The following PKNOX2 variants were observed in gnomAD, a reference collection of about 807,000 sequenced individuals.
The protein encoded by PKNOX2 is homeobox protein PKNOX2.
Under a neutral mutation model 53.1 loss-of-function variants are expected in PKNOX2, and 14 were observed. The observed-to-expected ratio is 0.26, with a 90% CI of 0.17 to 0.41. The LOEUF (loss-of-function observed/expected upper bound fraction) is 0.41, where lower values mean the gene tolerates loss of function less well. PKNOX2 is among the 10% of genes least tolerant of loss of function. PKNOX2 has a pLI of 1.00. For synonymous variants in PKNOX2, 257 were observed against 242.8 expected (o/e 1.06, Z -0.54); for missense variants, 496 against 602.8 (o/e 0.82, Z 1.85).
rs554945561 is a variant in PKNOX2 at position 125,197,881 on chromosome 11, T to G, written c.-201+33105T>G. On this transcript the variant is annotated intron_variant, in intron 1 of 12. Coordinates refer to ENST00000298282, the MANE Select transcript of PKNOX2 (RefSeq NM_001382323.2). ...TTCACACAGACGTGCTGCCGTCACC[T>G]CTTTGGGCCACAACTGCAGCCAGGG... 3.9e-5 allele frequency among the ~76,000 whole-genome samples: 6 copies of G among 152,244 alleles called. No individual in the cohort carries two copies. The East Asian group carries it at 1.2e-3, about 29-fold the overall frequency.
intron 4 of PKNOX2, among the ~76,000 whole-genome samples, chr11:125,353,839 T>C (rs1187252825): frequency 6.6e-6 from 1 of 152,030 alleles, no homozygotes; most frequent in Non-Finnish European, 1.5e-5. Context: ...ATGCCCAAAT[T>C]GCCATTGGCC....
intron 1 of PKNOX2, among the ~76,000 whole-genome samples, chr11:125,186,342 CT>C (rs1956447604): frequency 6.6e-6 from 1 of 152,182 alleles, no homozygotes; most frequent in Non-Finnish European, 1.5e-5. Flanking sequence ...CTGGAGGTTT[CT>C]TTTTTACTTC....
At chr11:125,258,224 C>T (rs1305433020) in intron 2 of PKNOX2, among the ~76,000 whole-genome samples, 1 of 152,144 alleles carries the variant, frequency 6.6e-6, no homozygotes, top group African/African-American at 2.4e-5. Context: ...TCCCCTCAAG[C>T]ACCATGCACA....
At chr11:125,347,359 A>G (rs952329127) in intron 3 of PKNOX2, among the ~76,000 whole-genome samples, 2 of 152,208 alleles carry the variant, frequency 1.3e-5, no homozygotes, top group Admixed American at 6.5e-5. Flanking sequence ...CACTGGCCCA[A>G]TTACTGCCTG....
intron 11 of PKNOX2, 65 bp downstream of exon 11, chr11:125,429,153 C>G (rs1245273477): frequency 1.4e-6 from 2 of 1,455,346 alleles, no homozygotes; most frequent in Non-Finnish European, 1.9e-6. Flanking sequence ...CAGGGGAATG[C>G]GTAGCAGGGA....
intron 4 of PKNOX2, among the ~76,000 whole-genome samples, chr11:125,360,834 A>C (rs1951884403): frequency 6.6e-6 from 1 of 152,162 alleles, no homozygotes; most frequent in Non-Finnish European, 1.5e-5. Context: ...AATTCTGAAC[A>C]CCCTGTACCT....
chr11:125,390,312 A>G lies in PKNOX2; in HGVS notation c.399+4590A>G, dbSNP rs111775935. The stretch of plus-strand genomic sequence containing the variant: ...GCAGTCACCATCATGCAGCTGGTCC[A>G]TGGCCCAGGCAGGAATCAAATACAG... On this transcript the variant is annotated intron_variant, in intron 6 of 12. Transcript: ENST00000298282. Among the ~76,000 whole-genome samples, 852 of 152,344 alleles carry G rather than the reference A, an allele frequency of 5.6e-3. 7 individuals carry two copies. Among genetic ancestry groups the G allele is most frequent in the African/African-American group, 0.019 (796 of 41,576 alleles).
intron 10 of PKNOX2, among the ~76,000 whole-genome samples, chr11:125,428,729 G>A (rs1234147298): frequency 6.6e-6 from 1 of 152,228 alleles, no homozygotes; most frequent in Non-Finnish European, 1.5e-5. Flanking sequence ...GAAGCTGTCA[G>A]TACTGAACCA....
In PKNOX2 at chr11:125,194,164, G is replaced by A. The variant is rs560353746; in HGVS notation, c.-201+29388G>A. On this transcript the variant is annotated intron_variant, in intron 1 of 12. Coordinates refer to ENST00000298282, the MANE Select transcript of PKNOX2 (RefSeq NM_001382323.2). ...GTCTCTGCTGAGCCCTGTGTGGAGAGCGGTTGCGTAGCACAGGGCAGGAGA... is the reference window on the plus strand; with the variant it reads ...GTCTCTGCTGAGCCCTGTGTGGAGAACGGTTGCGTAGCACAGGGCAGGAGA... 2.0e-3 allele frequency among the ~76,000 whole-genome samples: 300 copies of A among 152,312 alleles called. 2 individuals carry two copies. Among genetic ancestry groups the A allele is most frequent in the African/African-American group, 7.0e-3 (290 of 41,572 alleles).
At chr11:125,359,340 G>A (rs1460329716) in intron 4 of PKNOX2, among the ~76,000 whole-genome samples, 1 of 152,022 alleles carries the variant, frequency 6.6e-6, no homozygotes, top group Non-Finnish European at 1.5e-5. Context: ...GGGACCATAT[G>A]GGGACCCACC....
intron 3 of PKNOX2, among the ~76,000 whole-genome samples, chr11:125,334,698 A>G (rs898191143): frequency 2.0e-5 from 3 of 151,640 alleles, no homozygotes; most frequent in African/African-American, 7.3e-5. Context: ...TTCCAGGCCC[A>G]AGTGATCCTC....
At chr11:125,391,420 G>A (rs1328942514) in intron 6 of PKNOX2, among the ~76,000 whole-genome samples, 2 of 152,192 alleles carry the variant, frequency 1.3e-5, no homozygotes, top group African/African-American at 4.8e-5. Flanking sequence ...GATGGTGGAG[G>A]GAGGACCATA....
chr11:125,372,460 C>T (rs533087108), intron 5 of PKNOX2, among the ~76,000 whole-genome samples: 4 of 152,358 alleles, frequency 2.6e-5, no homozygotes, highest in South Asian at 2.1e-4. Flanking sequence ...TCTTGGTCCT[C>T]ACTGTCCTAT....
At chr11:125,404,800 G>A (rs2135502074) in intron 7 of PKNOX2, among the ~76,000 whole-genome samples, 1 of 152,296 alleles carries the variant, frequency 6.6e-6, no homozygotes, top group South Asian at 2.1e-4. Context: ...CCAAGCTAGG[G>A]AAAGACGACG....
chr11:125,206,121 T>A (rs980340635), intron 1 of PKNOX2, among the ~76,000 whole-genome samples: 2 of 151,974 alleles, frequency 1.3e-5, no homozygotes, highest in African/African-American at 4.8e-5. Context: ...CACTGTGTCA[T>A]ACTCTGCAGG....
chr11:125,411,466 C>CTT (rs1785497859), intron 9 of PKNOX2: 1 of 163,498 alleles, frequency 6.1e-6, no homozygotes, highest in African/African-American at 4.4e-5. Context: ...CTGTCTTTCT[C>CTT]TCTCTCTCTC....
chr11:125,394,821 T>C (rs1954284392), intron 6 of PKNOX2, among the ~76,000 whole-genome samples: 1 of 152,236 alleles, frequency 6.6e-6, no homozygotes, highest in South Asian at 2.1e-4. Flanking sequence ...TTAATTTTGA[T>C]ATAAATGTAG....
chr11:125,305,283 C>A (rs12272135), intron 2 of PKNOX2, among the ~76,000 whole-genome samples: 29,833 of 152,142 alleles, frequency 0.2, 3,504 homozygotes, highest in East Asian at 0.33. Flanking sequence ...TAAGGTCACA[C>A]AGCCAGGCAA....
intron 5 of PKNOX2, among the ~76,000 whole-genome samples, chr11:125,382,841 C>T (rs970765319): frequency 6.6e-6 from 1 of 152,220 alleles, no homozygotes; most frequent in Non-Finnish European, 1.5e-5. Flanking sequence ...GCTAAGCTAA[C>T]GCATTGTTTT....
Sources: gnomAD v4.1 joint callset for allele counts (sites outside exome capture counted in the v4.1 genomes callset) on GRCh38, gnomAD v4.1.1 for gene constraint, MANE v1.5 for transcripts, NCBI Gene and HGNC (gene_info 2026-07-23, HGNC 2026-07-21) for gene names.